The following ACYP2 variants were observed in gnomAD, a reference collection of about 807,000 sequenced individuals.
The protein encoded by ACYP2 is acylphosphatase-2.
A neutral mutation model predicts 11.2 loss-of-function variants in ACYP2; 12 were observed. That is an observed-to-expected ratio of 1.08 (90% CI 0.69 to 1.74). ACYP2 has a LOEUF of 1.74. Ranked by LOEUF, ACYP2 falls within the 40% of genes most tolerant of loss-of-function variation. The pLI is 0.00. For synonymous variants in ACYP2, 43 were observed against 32.2 expected, an observed-to-expected ratio of 1.33 and a Z score of -1.13; for missense variants, 134 against 101.9, an observed-to-expected ratio of 1.31 and a Z score of -1.35.
At chr2:54,172,079 T>C (rs1236174969) in intron 6 of ACYP2, among the ~76,000 whole-genome samples, 1 of 152,006 alleles carries the variant, frequency 6.6e-6, no homozygotes, top group Non-Finnish European at 1.5e-5. Flanking sequence ...TAGCCAAGGA[T>C]GGTGGGATGT....
chr2:54,236,053 CTTT>C (rs1686463508), intron 6 of ACYP2, among the ~76,000 whole-genome samples: 1 of 151,922 alleles, frequency 6.6e-6, no homozygotes. Flanking sequence ...TTGCTGTTAT[CTTT>C]TTATTTCCTT....
intron 3 of ACYP2, among the ~76,000 whole-genome samples, chr2:54,052,300 G>A (rs1192773427): frequency 6.6e-6 from 1 of 151,844 alleles, no homozygotes; most frequent in Non-Finnish European, 1.5e-5. Flanking sequence ...TTTTTTGTAT[G>A]GTAAACACAC....
chr2:54,170,111 G>A (rs1421161553), intron 6 of ACYP2, among the ~76,000 whole-genome samples: 2 of 152,044 alleles, frequency 1.3e-5, no homozygotes, highest in Admixed American at 6.6e-5. Context: ...TGTAAGTTGT[G>A]TCCTAAGGTG....
intron 6 of ACYP2, among the ~76,000 whole-genome samples, chr2:54,164,489 A>G (rs547531446): frequency 2.0e-5 from 3 of 152,228 alleles, no homozygotes; most frequent in Non-Finnish European, 4.4e-5. Flanking sequence ...ACTTGTTGGT[A>G]GGCACCGGCA....
intron 4 of ACYP2, among the ~76,000 whole-genome samples, chr2:54,120,805 G>A (rs1359353627): frequency 6.6e-6 from 1 of 152,210 alleles, no homozygotes; most frequent in East Asian, 1.9e-4. Context: ...CTGGATGAGG[G>A]GGATGTGGCA....
intron 6 of ACYP2, among the ~76,000 whole-genome samples, chr2:54,150,798 G>C (rs1572859190): frequency 6.8e-6 from 1 of 147,032 alleles, no homozygotes; most frequent in East Asian, 2.0e-4. Flanking sequence ...CTAGAGGGCA[G>C]TGGTGCAATC....
intron 2 of ACYP2, chr2:54,029,966 C>G (rs1674496414): frequency 3.7e-6 from 1 of 267,432 alleles, no homozygotes; most frequent in South Asian, 5.8e-5. Flanking sequence ...TTGCTGTAAC[C>G]AGATACAGGG....
At chr2:54,243,143 G>T (rs1031637916) in intron 6 of ACYP2, among the ~76,000 whole-genome samples, 3 of 151,910 alleles carry the variant, frequency 2.0e-5, no homozygotes, top group Non-Finnish European at 4.4e-5. Flanking sequence ...AATTTTTTTT[G>T]TCATGTAGAT....
chr2:54,042,682 C>G (rs1351085859), intron 2 of ACYP2, among the ~76,000 whole-genome samples: 2 of 151,906 alleles, frequency 1.3e-5, no homozygotes, highest in African/African-American at 4.8e-5. Context: ...TGTCAAGGGG[C>G]ACGATGGTGA....
intron 6 of ACYP2, among the ~76,000 whole-genome samples, chr2:54,164,664 A>C (rs1682875249): frequency 6.6e-6 from 1 of 152,180 alleles, no homozygotes; most frequent in Admixed American, 6.5e-5. Context: ...TGTCCTTTTG[A>C]GGTGCCTCTT....
chr2:54,201,646 C>CTTTCTTTCTTTCTT (rs1553391382), intron 6 of ACYP2, among the ~76,000 whole-genome samples: 4 of 75,006 alleles, frequency 5.3e-5, no homozygotes, highest in African/African-American at 1.0e-4. Context: ...CTCTTTCTTT[C>CTTTCTTTCTTTCTT]TTTCTTTCTT....
chr2:54,140,950 C>T (rs1459194224), intron 6 of ACYP2, among the ~76,000 whole-genome samples: 3 of 152,146 alleles, frequency 2.0e-5, no homozygotes, highest in Non-Finnish European at 2.9e-5. Flanking sequence ...TTGTTTTCCT[C>T]CTCATCCTGT....
At chr2:54,171,554 C>T (rs1683222279) in intron 6 of ACYP2, among the ~76,000 whole-genome samples, 1 of 152,152 alleles carries the variant, frequency 6.6e-6, no homozygotes. Flanking sequence ...CATTATTAAC[C>T]TGTTTGAGAG....
At chr2:54,167,539 T>G (rs1683042274) in intron 6 of ACYP2, among the ~76,000 whole-genome samples, 1 of 152,174 alleles carries the variant, frequency 6.6e-6, no homozygotes, top group Non-Finnish European at 1.5e-5. Flanking sequence ...AGATACAGAT[T>G]TTTTTTTCTG....
chr2:54,088,581 C>G (rs1678065315), intron 4 of ACYP2, among the ~76,000 whole-genome samples: 1 of 152,158 alleles, frequency 6.6e-6, no homozygotes, highest in South Asian at 2.1e-4. Flanking sequence ...ACAACCACAC[C>G]CCCTTTCTCA....
intron 6 of ACYP2, among the ~76,000 whole-genome samples, chr2:54,187,319 T>C (rs2103880022): frequency 6.6e-6 from 1 of 152,288 alleles, no homozygotes; most frequent in South Asian, 2.1e-4. Context: ...TGATCCATGG[T>C]GGCAGGCCTT....
rs58842257 is a variant in ACYP2, at chr2:54,102,638, C to CAAAAAAAAAAAAAAAAAAAAAA, written c.278-32800_278-32779dup. Among the ~76,000 whole-genome samples the CAAAAAAAAAAAAAAAAAAAAAA allele has an allele frequency of 2.8e-4, 23 of 83,304 alleles. 8 individuals carry two copies. The highest frequency in any genetic ancestry group is 2.9e-4 in the Admixed American group (2 of 6,940). 54.7% of individuals were successfully genotyped at this position (83,304 alleles called of 152,430 possible). A position where few individuals can be genotyped will look rare whatever the true frequency, so the allele number is the denominator to read the frequency against. On this transcript the variant is annotated intron_variant, in intron 4 of 6. Transcript: ENST00000607452. ...AAACCCAATTTAAGCTGGCTTAAGC[C>CAAAAAAAAAAAAAAAAAAAAAA]AAAAAAAAAAAAAAAAAAAAAAAAA... is the stretch of plus-strand genomic sequence containing the variant.
At chr2:54,003,848 C>G (rs1672923533) in intron 2 of ACYP2, among the ~76,000 whole-genome samples, 1 of 152,194 alleles carries the variant, frequency 6.6e-6, no homozygotes, top group African/African-American at 2.4e-5. Flanking sequence ...ATTTTGCATT[C>G]CTACTAGCAA....
At chr2:54,245,184 C>A (rs766093561) in intron 6 of ACYP2, among the ~76,000 whole-genome samples, 1 of 152,006 alleles carries the variant, frequency 6.6e-6, no homozygotes, top group Non-Finnish European at 1.5e-5. Context: ...TTCTTCAGTC[C>A]CATCCATGTT....
Sources: allele counts gnomAD v4.1 joint callset (sites outside exome capture counted in the v4.1 genomes callset), GRCh38; gene constraint gnomAD v4.1.1; transcripts MANE v1.5; gene names NCBI Gene and HGNC (gene_info 2026-07-23, HGNC 2026-07-21).